The following INTS6 variants were observed in gnomAD, a reference collection of about 807,000 sequenced individuals.
The protein encoded by INTS6 is DEAD box protein.
In INTS6, 16 loss-of-function variants were observed where a neutral mutation model predicts 104.9. The ratio of observed to expected loss-of-function variants is 0.15; its 90% CI spans 0.10 to 0.23. The LOEUF (loss-of-function observed/expected upper bound fraction) is 0.23, where lower values mean the gene tolerates loss of function less well. Among genes scored for constraint, INTS6 ranks in the 10% least tolerant of loss-of-function variants. The pLI, the probability that INTS6 is intolerant of heterozygous loss-of-function variation, is 1.00. For missense variants in INTS6, 584 were observed against 1,062.8 expected, an observed-to-expected ratio of 0.55 and a Z score of 6.26; for synonymous variants, 324 against 358.7, an observed-to-expected ratio of 0.90 and a Z score of 1.09.
rs995578076 is a variant in INTS6 at position 51,376,075 on chromosome 13, G to A, written c.1702C>T (p.Arg568Cys). ...TCGTCCTGTCCTTTCAGAAATCTGC[G>A]AGTGCTCTTCAAAAGATTAGATCTC... ...RMRSNLLKSTRRFLKGQDEDQ... is the reference protein window; with the variant it reads ...RMRSNLLKSTCRFLKGQDEDQ... Residue 568 changes from arginine to cysteine, a missense_variant, in exon 13 of 18, where the codon CGC becomes TGC. Transcript: ENST00000311234. 9 of 1,609,928 alleles carry A rather than the reference G, an allele frequency of 5.6e-6. No homozygotes were observed. The highest frequency in any genetic ancestry group is 2.0e-4 in the Middle Eastern group (1 of 4,932).
chr13:51,360,726 A>G (rs1051183244), downstream of INTS6, among the ~76,000 whole-genome samples: 2 of 152,048 alleles, frequency 1.3e-5, no homozygotes, highest in African/African-American at 2.4e-5. Context: ...ATGCAACACT[A>G]GACACATTCA....
chr13:51,371,909 G>T (rs2137875138), intron 15 of INTS6, among the ~76,000 whole-genome samples: 1 of 152,108 alleles, frequency 6.6e-6, no homozygotes, highest in Middle Eastern at 3.4e-3. Context: ...GTCAATGGAG[G>T]GAGCATTCTT....
intron 4 of INTS6, among the ~76,000 whole-genome samples, chr13:51,397,755 A>G (rs1956365349): frequency 6.6e-6 from 1 of 152,214 alleles, no homozygotes; most frequent in Admixed American, 6.5e-5. Context: ...GCTTTGCAGA[A>G]TAATGGATAG....
At chr13:51,418,903 A>G (rs940762773) in intron 4 of INTS6, among the ~76,000 whole-genome samples, 9 of 152,156 alleles carry the variant, frequency 5.9e-5, no homozygotes, top group Admixed American at 2.6e-4. Flanking sequence ...CATCACCACC[A>G]TGCAGTTTTA....
chr13:51,361,785 T>C lies in INTS6; in HGVS notation c.*3967A>G. On this transcript the variant is annotated 3_prime_UTR_variant, in exon 18 of 18. Coordinates refer to ENST00000311234, the MANE Select transcript of INTS6 (RefSeq NM_012141.3). ...TCTTAAAAATGCACAGAAAATGCAA[T>C]GGAATTTTTCTTTCTTTCCTGCAGC... 3 of 1,565,884 alleles carry C rather than the reference T, an allele frequency of 1.9e-6. No homozygotes were observed. The highest frequency in any genetic ancestry group is 1.7e-6 in the Non-Finnish European group (2 of 1,161,312).
At chr13:51,404,157 C>A (rs1446885668) in intron 4 of INTS6, among the ~76,000 whole-genome samples, 1 of 149,830 alleles carries the variant, frequency 6.7e-6, no homozygotes, top group African/African-American at 2.5e-5. Context: ...ACCTGCAGTC[C>A]CAGCTAGTTG....
chr13:51,406,851 C>T (rs1392193607), intron 4 of INTS6, among the ~76,000 whole-genome samples: 13 of 151,856 alleles, frequency 8.6e-5, no homozygotes, highest in Non-Finnish European at 1.8e-4. Flanking sequence ...GAATGTGGCC[C>T]AACACAAATT....
the INTS6 span, among the ~76,000 whole-genome samples, chr13:51,338,464 T>C: frequency 1.3e-5 from 2 of 151,876 alleles, no homozygotes; most frequent in South Asian, 4.2e-4. Context: ...GATGGATGGA[T>C]GGATGGATGG....
downstream of INTS6, among the ~76,000 whole-genome samples, chr13:51,356,679 T>G (rs2137810731): frequency 6.6e-6 from 1 of 152,134 alleles, no homozygotes; most frequent in South Asian, 2.1e-4. Context: ...TTAACACACA[T>G]CATGTAGCTC....
At chr13:51,350,376 T>C (rs1013490378), downstream of INTS6, among the ~76,000 whole-genome samples, 1 of 152,106 alleles carries the variant, frequency 6.6e-6, no homozygotes, top group African/African-American at 2.4e-5. Context: ...GTGTTAAGGG[T>C]TGTTTATAAC....
At chr13:51,446,311 A>T (rs144377979) in intron 3 of INTS6, 50 of 152,368 alleles carry the variant, frequency 3.3e-4, no homozygotes, top group African/African-American at 1.1e-3. Flanking sequence ...GTTGATGCTT[A>T]ACATAAATAA....
At chr13:51,418,429 C>T (rs1352411667) in intron 4 of INTS6, among the ~76,000 whole-genome samples, 1 of 150,962 alleles carries the variant, frequency 6.6e-6, no homozygotes, top group African/African-American at 2.4e-5. Flanking sequence ...TACTATTATC[C>T]AATATAAGCA....
chr13:51,430,988 A>G (rs1312217442), intron 3 of INTS6, among the ~76,000 whole-genome samples: 1 of 152,238 alleles, frequency 6.6e-6, no homozygotes, highest in African/African-American at 2.4e-5. Context: ...ATGCTTGGAG[A>G]GAAAAGTACA....
intron 4 of INTS6, among the ~76,000 whole-genome samples, chr13:51,426,122 G>A (rs889467594): frequency 1.3e-5 from 2 of 151,986 alleles, no homozygotes; most frequent in Non-Finnish European, 2.9e-5. Flanking sequence ...GGATATAATT[G>A]AAATCATAAA....
Position 51,368,460 on chromosome 13 carries a change from A to AC in INTS6, c.2476+478dup, listed in dbSNP as rs1955736000. Among the ~76,000 whole-genome samples the AC allele has an allele frequency of 3.3e-5, 5 of 152,166 alleles. No homozygotes were observed. The South Asian group carries it at 1.0e-3, about 32-fold the overall frequency. Reference sequence around the variant, plus strand: ...TCTAAATGAATGCCAATAATACTGAACTTTTTCCCACGAAGTTCTTTTGTG... The same window carrying AC: ...TCTAAATGAATGCCAATAATACTGAACCTTTTTCCCACGAAGTTCTTTTGTG... On this transcript the variant is annotated intron_variant, in intron 16 of 17. Coordinates refer to ENST00000311234, the MANE Select transcript of INTS6 (RefSeq NM_012141.3).
intron 4 of INTS6, among the ~76,000 whole-genome samples, chr13:51,401,723 C>CA (rs942015383): frequency 1.3e-4 from 20 of 152,144 alleles, no homozygotes; most frequent in African/African-American, 3.9e-4. Context: ...AAACAACAAA[C>CA]AGAGAGCTTC....
Position 51,370,865 on chromosome 13 carries a change from G to T in INTS6, c.2105-1555C>A, listed in dbSNP as rs151040596. Among the ~76,000 whole-genome samples the T allele has an allele frequency of 5.9e-5, 9 of 152,280 alleles. No individual in the cohort carries two copies. In the East Asian group the frequency reaches 1.7e-3, roughly 29 times the overall value. On this transcript the variant is annotated intron_variant, in intron 15 of 17. Transcript: ENST00000311234. ...GTTAGGGGCACAGATGTTCCTTATA[G>T]ATAGGGAATGGATCTTTGGGTTAGC... is the stretch of plus-strand genomic sequence containing the variant.
chr13:51,408,206 C>A (rs1956614385), intron 4 of INTS6, among the ~76,000 whole-genome samples: 1 of 148,526 alleles, frequency 6.7e-6, no homozygotes, highest in Admixed American at 6.7e-5. Flanking sequence ...TGCAGTGGTG[C>A]AATCTCGACT....
At chr13:51,449,988 T>C in intron 3 of INTS6, 2 of 985,340 alleles carry the variant, frequency 2.0e-6, no homozygotes, top group Non-Finnish European at 2.4e-6. Context: ...AAGTTATCCC[T>C]AAGAAGCTTA....
Sources: allele counts gnomAD v4.1 joint callset (sites outside exome capture counted in the v4.1 genomes callset), GRCh38; gene constraint gnomAD v4.1.1; transcripts MANE v1.5; gene names NCBI Gene and HGNC (gene_info 2026-07-23, HGNC 2026-07-21).